TPH2: variants seen among roughly 807,000 people sequenced by gnomAD.
TPH2 encodes the protein tryptophan 5-hydroxylase 2.
A neutral mutation model predicts 59.1 loss-of-function variants in TPH2; 27 were observed. That is an observed-to-expected ratio of 0.46 (90% confidence interval 0.34 to 0.63). The LOEUF is 0.63. TPH2 is among the 30% of genes least tolerant of loss of function. TPH2 has a pLI of 0.01. For synonymous variants in TPH2, 220 were observed against 210.5 expected, an observed-to-expected ratio of 1.05 and a Z score of -0.39; for missense variants, 523 against 588.3, an observed-to-expected ratio of 0.89 and a Z score of 1.15.
intron 5 of TPH2, among the ~76,000 whole-genome samples, chr12:71,966,484 A>G (rs2171363): frequency 0.45 from 68,731 of 152,086 alleles, 18,116 homozygotes; most frequent in Non-Finnish European, 0.58. Flanking sequence ...GTCAATCAAG[A>G]CAGAAACACC....
intron 8 of TPH2, among the ~76,000 whole-genome samples, chr12:72,001,494 C>T (rs1872821100): frequency 6.6e-6 from 1 of 151,198 alleles, no homozygotes; most frequent in East Asian, 1.9e-4. Context: ...GGCGTGATCT[C>T]AGCTCACTGT....
intron 9 of TPH2, among the ~76,000 whole-genome samples, chr12:72,027,281 G>C (rs1230667862): frequency 1.3e-5 from 2 of 152,182 alleles, no homozygotes; most frequent in Non-Finnish European, 2.9e-5. Flanking sequence ...CCCTGAGGGA[G>C]AAGGGCTGCA....
intron 5 of TPH2, among the ~76,000 whole-genome samples, chr12:71,969,135 T>A (rs1871900048): frequency 6.6e-6 from 1 of 151,996 alleles, no homozygotes; most frequent in South Asian, 2.1e-4. Context: ...TACAAAAAAT[T>A]AGCCGGGCGT....
chr12:72,024,670 G>A (rs1873520652), intron 9 of TPH2, among the ~76,000 whole-genome samples: 1 of 152,162 alleles, frequency 6.6e-6, no homozygotes, highest in South Asian at 2.1e-4. Flanking sequence ...CAAAGGAAAC[G>A]GATCTCTCTC....
intron 8 of TPH2, among the ~76,000 whole-genome samples, chr12:72,005,481 C>T (rs145493558): frequency 2.4e-4 from 36 of 152,284 alleles, no homozygotes; most frequent in African/African-American, 8.2e-4. Context: ...ACACTCTTAA[C>T]ATTTTGGCAT....
chr12:72,027,612 T>C (rs115777911), intron 9 of TPH2, among the ~76,000 whole-genome samples: 3,653 of 152,286 alleles, frequency 0.024, 142 homozygotes, highest in African/African-American at 0.083. Context: ...GTATTTTTAA[T>C]TACCTTATAG....
Position 71,947,019 on chromosome 12 carries a change from A to G in TPH2, c.540+2333A>G, listed in dbSNP as rs1488765480. ...CGAAGTGGGGGTTCAAGGTTCACTC[A>G]TAAGGTGTTTGTTAAAAATACAATA... On this transcript the variant is annotated intron_variant, in intron 4 of 10. Transcript: ENST00000333850. 3.3e-5 allele frequency among the ~76,000 whole-genome samples: 5 copies of G among 152,204 alleles called. No individual in the cohort carries two copies. The East Asian group carries it at 9.6e-4, about 29-fold the overall frequency.
At chr12:71,972,447 G>C in intron 5 of TPH2, 72 bp from the exon 6 acceptor site, 1 of 1,447,074 alleles carries the variant, frequency 6.9e-7, no homozygotes, top group South Asian at 1.1e-5. Context: ...CTTGTGATAG[G>C]TATTGAGGTG....
chr12:72,011,569 C>T (rs541511039), intron 8 of TPH2, among the ~76,000 whole-genome samples: 1 of 152,282 alleles, frequency 6.6e-6, no homozygotes, highest in Non-Finnish European at 1.5e-5. Context: ...CTGTTACAAA[C>T]TCGTCCATTC....
intron 9 of TPH2, among the ~76,000 whole-genome samples, chr12:72,029,230 T>C (rs2139251366): frequency 6.6e-6 from 1 of 152,288 alleles, no homozygotes; most frequent in South Asian, 2.1e-4. Flanking sequence ...AGCAAGGATG[T>C]CCCAAGGGAG....
chr12:71,967,851 G>A (rs559100285), intron 5 of TPH2, among the ~76,000 whole-genome samples: 1 of 152,258 alleles, frequency 6.6e-6, no homozygotes, highest in East Asian at 1.9e-4. Context: ...TCTCATTTGG[G>A]TATTTAAGAC....
intron 5 of TPH2, among the ~76,000 whole-genome samples, chr12:71,970,091 C>T (rs1183295210): frequency 2.0e-5 from 3 of 152,100 alleles, no homozygotes; most frequent in African/African-American, 7.2e-5. Flanking sequence ...ATATTTTCAA[C>T]AGAAACGAAG....
rs1055808157 is a variant in TPH2 at position 71,961,967 on chromosome 12, A to T, written c.609-10552A>T. On this transcript the variant is annotated intron_variant, in intron 5 of 10. Transcript: ENST00000333850. The stretch of plus-strand genomic sequence containing the variant: ...TTTGCTCCCATCTGAAAGTTCCTTA[A>T]GGCCCGTAGACTCATTTACGAAAAT... 1.0e-5 allele frequency: 11 copies of T among 1,057,802 alleles called. No individual in the cohort carries two copies. In the African/African-American group the frequency reaches 1.9e-4, roughly 18 times the overall value. 65.5% of individuals were successfully genotyped at this position (1,057,802 alleles called of 1,614,324 possible). A position where few individuals can be genotyped will look rare whatever the true frequency, so the allele number is the denominator to read the frequency against.
chr12:72,008,275 T>C (rs1258834168), intron 8 of TPH2, among the ~76,000 whole-genome samples: 1 of 152,222 alleles, frequency 6.6e-6, no homozygotes, highest in African/African-American at 2.4e-5. Flanking sequence ...CTTTTGCATC[T>C]AATGGGCTAT....
At chr12:71,957,327 AT>A (rs35425528) in intron 5 of TPH2, among the ~76,000 whole-genome samples, 2,321 of 95,620 alleles carry the variant, frequency 0.024, 20 homozygotes, top group African/African-American at 0.084. Context: ...TGAGTAAAGG[AT>A]TTTTTTTTTT....
At chr12:71,991,950 G>C (rs1872586364) in intron 7 of TPH2, among the ~76,000 whole-genome samples, 1 of 152,120 alleles carries the variant, frequency 6.6e-6, no homozygotes, top group African/African-American at 2.4e-5. Flanking sequence ...TCTCAGCCCT[G>C]GCTGTGTCTT....
At chr12:71,951,701 C>CGTGT (rs1566117162) in intron 5 of TPH2, among the ~76,000 whole-genome samples, 1 of 127,986 alleles carries the variant, frequency 7.8e-6, no homozygotes, top group African/African-American at 3.0e-5. Flanking sequence ...TGTGTGTGTG[C>CGTGT]ATGTGTGTGT....
At chr12:71,969,101 G>A (rs1039908082) in intron 5 of TPH2, among the ~76,000 whole-genome samples, 7 of 152,144 alleles carry the variant, frequency 4.6e-5, no homozygotes, top group Non-Finnish European at 7.4e-5. Context: ...GGCTAACACG[G>A]TGAAACCCCA....
intron 8 of TPH2, among the ~76,000 whole-genome samples, chr12:72,019,338 A>C (rs760525647): frequency 3.0e-4 from 45 of 152,176 alleles, no homozygotes; most frequent in Admixed American, 1.2e-3. Flanking sequence ...CTAAGTTAGT[A>C]CATATCTTTC....
Sources: allele counts gnomAD v4.1 joint callset (sites outside exome capture counted in the v4.1 genomes callset), GRCh38; gene constraint gnomAD v4.1.1; transcripts MANE v1.5; gene names NCBI Gene and HGNC (gene_info 2026-07-23, HGNC 2026-07-21).